The following DISC1 variants were observed in gnomAD, a reference collection of about 807,000 sequenced individuals.
The protein encoded by DISC1 is disrupted in schizophrenia 1 protein.
Under a neutral mutation model 84.5 loss-of-function variants are expected in DISC1, and 57 were observed. The observed-to-expected ratio is 0.67, with a 90% CI of 0.55 to 0.84. The LOEUF (loss-of-function observed/expected upper bound fraction) is 0.84. Among genes scored for constraint, DISC1 ranks in the 40% least tolerant of loss-of-function variants. The pLI, the probability that DISC1 is intolerant of heterozygous loss-of-function variation, is 0.00. For synonymous variants in DISC1, 411 were observed against 415.2 expected (o/e 0.99, Z 0.12); for missense variants, 1,000 against 1,057.8 (o/e 0.95, Z 0.76).
chr1:231,850,269 A>G (rs2083795704), intron 9 of DISC1, among the ~76,000 whole-genome samples: 1 of 152,184 alleles, frequency 6.6e-6, no homozygotes, highest in African/African-American at 2.4e-5. Flanking sequence ...ACTGTTACTG[A>G]TCACTAAATC....
At chr1:231,689,504 G>A (rs1172654431) in intron 1 of DISC1, among the ~76,000 whole-genome samples, 3 of 151,938 alleles carry the variant, frequency 2.0e-5, no homozygotes, top group East Asian at 3.9e-4. Context: ...GCTAATTTTT[G>A]TATTTTTAGT....
In DISC1 at chr1:231,858,033, C is replaced by T. The variant is rs368920862; in HGVS notation, c.1981+39516C>T. Among the ~76,000 whole-genome samples, 32 of 152,278 alleles carry T rather than the reference C, an allele frequency of 2.1e-4. No individual in the cohort carries two copies. In the South Asian group the frequency reaches 5.4e-3, roughly 26 times the overall value. Reference sequence around the variant, plus strand: ...TGGGAAATTCATTCCAGTGGCTTGCCGGGCTAAACACAATTGTGGATGGAG... The same window carrying T: ...TGGGAAATTCATTCCAGTGGCTTGCTGGGCTAAACACAATTGTGGATGGAG... On this transcript the variant is annotated intron_variant, in intron 9 of 12. Transcript: ENST00000439617.
At chr1:232,003,824 C>A (rs1405819428) in intron 10 of DISC1, among the ~76,000 whole-genome samples, 1 of 151,856 alleles carries the variant, frequency 6.6e-6, no homozygotes, top group Non-Finnish European at 1.5e-5. Flanking sequence ...CACTATACAG[C>A]CCTTGAATTA....
intron 6 of DISC1, chr1:231,774,848 A>G: frequency 2.3e-6 from 1 of 427,302 alleles, no homozygotes; most frequent in Non-Finnish European, 4.7e-6. Flanking sequence ...TAGTATTTTT[A>G]ACTAATTGGA....
At chr1:231,747,619 G>A (rs904556964) in intron 3 of DISC1, among the ~76,000 whole-genome samples, 6 of 152,078 alleles carry the variant, frequency 3.9e-5, no homozygotes, top group Admixed American at 6.6e-5. Context: ...CCATCGGTCC[G>A]TGTATCTAAT....
At chr1:231,976,647 C>A (rs1049795662) in intron 10 of DISC1, among the ~76,000 whole-genome samples, 1 of 152,184 alleles carries the variant, frequency 6.6e-6, no homozygotes, top group African/African-American at 2.4e-5. Context: ...TTATAACCCC[C>A]GTATTGGGCT....
At chr1:231,974,196 G>A (rs754133854) in intron 10 of DISC1, among the ~76,000 whole-genome samples, 2 of 152,134 alleles carry the variant, frequency 1.3e-5, no homozygotes, top group African/African-American at 2.4e-5. Context: ...TGCGGGGCTG[G>A]CCTTCCCGTG....
chr1:231,966,845 T>C (rs766165157), intron 10 of DISC1, among the ~76,000 whole-genome samples: 7 of 152,228 alleles, frequency 4.6e-5, no homozygotes, highest in Non-Finnish European at 7.3e-5. Context: ...CTCTAGTGTG[T>C]TCCTCAAGTG....
intron 11 of DISC1, among the ~76,000 whole-genome samples, chr1:232,023,372 G>GA (rs1269118007): frequency 1.3e-5 from 2 of 152,022 alleles, no homozygotes; most frequent in African/African-American, 2.4e-5. Context: ...ATCTTTGCAT[G>GA]AAAAATCTTT....
At position 231,702,032 on chromosome 1, in the gene DISC1, T is replaced by A; in HGVS notation, c.1117+8T>A. The stretch of plus-strand genomic sequence containing the variant: ...ATGATGATTATGATAAAGGTGAGTT[T>A]TAATTTGTTTATTGATTGTTTTGTC... On this transcript the variant is annotated splice_region_variant and intron_variant, in intron 3 of 12. Coordinates refer to ENST00000439617, the MANE Select transcript of DISC1 (RefSeq NM_018662.3). 6.2e-7 allele frequency: 1 copy of A among 1,601,006 alleles called. No homozygotes were observed. Among genetic ancestry groups the A allele is most frequent in the South Asian group, 1.1e-5 (1 of 87,126 alleles).
intron 10 of DISC1, among the ~76,000 whole-genome samples, chr1:231,969,324 T>G (rs1417240895): frequency 6.6e-6 from 1 of 151,654 alleles, no homozygotes; most frequent in African/African-American, 2.4e-5. Context: ...GAGCCTTCAG[T>G]GGTTCCTACA....
intron 10 of DISC1, among the ~76,000 whole-genome samples, chr1:231,967,799 C>T (rs1032560459): frequency 6.6e-6 from 1 of 152,124 alleles, no homozygotes; most frequent in African/African-American, 2.4e-5. Context: ...TACCTTATCT[C>T]ATCAGAAAAA....
At chr1:232,026,646 C>A in intron 12 of DISC1, 94 bp downstream of exon 12, 1 of 797,730 alleles carries the variant, frequency 1.3e-6, no homozygotes. Flanking sequence ...AAGATGGCAA[C>A]AAATAGATGC....
chr1:231,836,286 T>C (rs527941525), intron 9 of DISC1, among the ~76,000 whole-genome samples: 43 of 152,260 alleles, frequency 2.8e-4, no homozygotes, highest in Admixed American at 7.8e-4. Context: ...TGTTATTTCA[T>C]AGGTGAACGG....
intron 9 of DISC1, among the ~76,000 whole-genome samples, chr1:231,869,484 AAAG>A (rs927363076): frequency 3.3e-5 from 5 of 152,102 alleles, no homozygotes; most frequent in Non-Finnish European, 7.4e-5. Flanking sequence ...TTTATAAAGA[AAAG>A]AAGTTCATTT....
At chr1:231,835,186 G>C (rs2082536236) in intron 9 of DISC1, among the ~76,000 whole-genome samples, 1 of 152,174 alleles carries the variant, frequency 6.6e-6, no homozygotes, top group Non-Finnish European at 1.5e-5. Flanking sequence ...AGGAGGACAG[G>C]GGATTGATCT....
intron 1 of DISC1, among the ~76,000 whole-genome samples, chr1:231,639,920 T>A (rs1487620090): frequency 6.6e-6 from 1 of 152,250 alleles, no homozygotes; most frequent in Non-Finnish European, 1.5e-5. Flanking sequence ...TGATTCACGT[T>A]AGTGTTTCTA....
intron 3 of DISC1, among the ~76,000 whole-genome samples, chr1:231,746,593 C>A (rs1323123669): frequency 6.6e-6 from 1 of 152,216 alleles, no homozygotes; most frequent in Non-Finnish European, 1.5e-5. Flanking sequence ...CCTTTTTCTT[C>A]ACATCCTTAC....
intron 1 of DISC1, among the ~76,000 whole-genome samples, chr1:231,664,457 G>A (rs2061837324): frequency 6.6e-6 from 1 of 152,154 alleles, no homozygotes; most frequent in African/African-American, 2.4e-5. Flanking sequence ...GGACTTTGCA[G>A]ATGAGATTAA....
Sources: gnomAD v4.1 joint callset for allele counts (sites outside exome capture counted in the v4.1 genomes callset) on GRCh38, gnomAD v4.1.1 for gene constraint, MANE v1.5 for transcripts, NCBI Gene and HGNC (gene_info 2026-07-23, HGNC 2026-07-21) for gene names.